Variants in EBF3 observed in about 807,000 individuals in gnomAD.
The protein encoded by EBF3 is transcription factor COE3.
EBF3 carries 18 observed loss-of-function variants against 77.1 expected under a neutral mutation model. The ratio of observed to expected loss-of-function variants is 0.23; its 90% CI spans 0.16 to 0.35. The LOEUF (loss-of-function observed/expected upper bound fraction) is 0.35. Ranked by LOEUF, EBF3 falls within the 10% of genes least tolerant of loss-of-function variation. The probability of loss-of-function intolerance (pLI) is 1.00; values close to 1 mark genes in which losing one functional copy is unlikely to be tolerated. For synonymous variants in EBF3, 350 were observed against 343.5 expected, an observed-to-expected ratio of 1.02 and a Z score of -0.21; for missense variants, 558 against 860.0, an observed-to-expected ratio of 0.65 and a Z score of 4.39.
intron 6 of EBF3, among the ~76,000 whole-genome samples, chr10:129,930,269 C>G (rs1186525273): frequency 2.6e-5 from 4 of 152,204 alleles, no homozygotes; most frequent in Non-Finnish European, 5.9e-5. Context: ...TGTCATGGGA[C>G]TTCTCAGCCT....
chr10:129,873,554 C>A lies in EBF3; in HGVS notation c.679G>T (p.Ala227Ser). 6.3e-7 allele frequency: 1 copy of A among 1,581,270 alleles called. No homozygotes were observed. The highest frequency in any genetic ancestry group is 8.6e-7 in the Non-Finnish European group (1 of 1,160,924). Residue 227 changes from alanine (A) to serine (S), a missense_variant, in exon 8 of 17, where the codon GCC (alanine) becomes TCC (serine). Around this residue, in one of 5 missense-constraint regions of EBF3, gnomAD observed 112 missense variants for 207.7 expected, o/e 0.54. Coordinates refer to ENST00000440978, the MANE Select transcript of EBF3 (RefSeq NM_001375380.1). The part of the protein sequence containing the change: ...TTVNVDGHVL[A>S]VSDNMFVHNN... ...TGCACAAACATGTTGTCTGACACGG[C>A]CAGCACGTGGCCGTCCACGTTGACT...
chr10:129,955,870 A>G (rs1295949391), intron 6 of EBF3, among the ~76,000 whole-genome samples: 2 of 152,218 alleles, frequency 1.3e-5, no homozygotes, highest in African/African-American at 4.8e-5. Context: ...CTTAGACAAG[A>G]CTCCAATAGT....
intron 6 of EBF3, among the ~76,000 whole-genome samples, chr10:129,925,085 CGTGT>C (rs34706080): frequency 0.59 from 89,297 of 151,240 alleles, 26,866 homozygotes; most frequent in East Asian, 0.8. Flanking sequence ...TGTGTGCACG[CGTGT>C]GTGTGTGTGT....
chr10:129,948,421 T>C (rs1858409278), intron 6 of EBF3, among the ~76,000 whole-genome samples: 1 of 151,934 alleles, frequency 6.6e-6, no homozygotes, highest in South Asian at 2.1e-4. Context: ...GGTGGCTAGG[T>C]GGAGCACATG....
intron 10 of EBF3, among the ~76,000 whole-genome samples, chr10:129,860,753 A>G (rs1851572682): frequency 6.6e-6 from 1 of 152,190 alleles, no homozygotes; most frequent in African/African-American, 2.4e-5. Context: ...ATTAGCAAAT[A>G]ATGTTCTTTT....
intron 6 of EBF3, among the ~76,000 whole-genome samples, chr10:129,896,668 C>T (rs1165154747): frequency 3.3e-5 from 5 of 152,344 alleles, no homozygotes; most frequent in Admixed American, 6.5e-5. Flanking sequence ...CTGACCTCGC[C>T]GGTGCCTTTG....
At chr10:129,915,467 C>CAT (rs1441794097) in intron 6 of EBF3, among the ~76,000 whole-genome samples, 21 of 110,290 alleles carry the variant, frequency 1.9e-4, no homozygotes, top group Non-Finnish European at 2.9e-4. Flanking sequence ...CACATGCACA[C>CAT]ACACACACAC....
intron 10 of EBF3, among the ~76,000 whole-genome samples, chr10:129,865,387 A>G (rs10764919): frequency 0.58 from 88,517 of 152,092 alleles, 29,456 homozygotes; most frequent in African/African-American, 0.88. Flanking sequence ...TCCAAAACCT[A>G]GAGGAGCAGC....
At position 129,837,817 on chromosome 10, in the gene EBF3, C is replaced by T; in HGVS notation, c.*126G>A. On this transcript the variant is annotated 3_prime_UTR_variant, in exon 17 of 17. Coordinates refer to ENST00000440978, the MANE Select transcript of EBF3 (RefSeq NM_001375380.1). ...AAAGTCTTTTGTAGCATTTCAATTG[C>T]TGCTGATTTTTTTGAAGATACTGTT... The T allele has an allele frequency of 7.9e-7, 1 of 1,270,834 alleles. No individual in the cohort carries two copies. Among genetic ancestry groups the T allele is most frequent in the South Asian group, 1.3e-5 (1 of 75,930 alleles). The allele number at this position is 1,270,834 out of a possible 1,614,324, so 78.7% of individuals were successfully genotyped here.
chr10:129,894,719 C>T (rs192893037), intron 6 of EBF3, among the ~76,000 whole-genome samples: 47 of 152,374 alleles, frequency 3.1e-4, no homozygotes, highest in African/African-American at 1.1e-3. Context: ...TTCCAGAAAA[C>T]TGCATCTGCC....
rs143060982 is a variant in EBF3 at position 129,912,748 on chromosome 10, A to G, written c.555-34899T>C. On this transcript the variant is annotated intron_variant, in intron 6 of 16. Coordinates refer to ENST00000440978, the MANE Select transcript of EBF3 (RefSeq NM_001375380.1). ...GAAATTTCAAGGCCCCTCTCTTCTG[A>G]CAAGTAGAAATATCAATATTTGAAT... is the stretch of plus-strand genomic sequence containing the variant. Among the ~76,000 whole-genome samples, 60 of 152,334 alleles carry G rather than the reference A, an allele frequency of 3.9e-4. No homozygotes were observed. The East Asian group carries it at 9.2e-3, about 23-fold the overall frequency.
chr10:129,919,537 C>A (rs1349968271), intron 6 of EBF3, among the ~76,000 whole-genome samples: 2 of 152,130 alleles, frequency 1.3e-5, no homozygotes, highest in African/African-American at 4.8e-5. Context: ...TGACCAAGGG[C>A]ACCCCAGGGG....
chr10:129,941,167 T>C (rs1465575918), intron 6 of EBF3, among the ~76,000 whole-genome samples: 1 of 152,174 alleles, frequency 6.6e-6, no homozygotes, highest in East Asian at 1.9e-4. Flanking sequence ...TTGAGATAAA[T>C]AACCACTAAA....
At chr10:129,918,779 C>T (rs1856068847) in intron 6 of EBF3, among the ~76,000 whole-genome samples, 1 of 152,228 alleles carries the variant, frequency 6.6e-6, no homozygotes, top group Non-Finnish European at 1.5e-5. Flanking sequence ...CCTGAGGCTA[C>T]AACGGCAGGG....
intron 10 of EBF3, among the ~76,000 whole-genome samples, chr10:129,860,214 A>G (rs1475125003): frequency 6.6e-6 from 1 of 151,866 alleles, no homozygotes; most frequent in African/African-American, 2.4e-5. Flanking sequence ...CAGAAACTCA[A>G]AAGTCCGGAG....
At chr10:129,838,660 C>T (rs951997905) in intron 16 of EBF3, among the ~76,000 whole-genome samples, 9 of 152,238 alleles carry the variant, frequency 5.9e-5, no homozygotes, top group African/African-American at 2.2e-4. Context: ...CTGACGCTTT[C>T]ACATGAACTC....
At chr10:129,838,388 C>T (rs959251261) in intron 16 of EBF3, among the ~76,000 whole-genome samples, 2 of 152,336 alleles carry the variant, frequency 1.3e-5, no homozygotes, top group Admixed American at 1.3e-4. Flanking sequence ...GCTCACAGGC[C>T]CTGCTCTCGC....
At chr10:129,931,127 G>A (rs1196012665) in intron 6 of EBF3, among the ~76,000 whole-genome samples, 1 of 151,688 alleles carries the variant, frequency 6.6e-6, no homozygotes, top group African/African-American at 2.4e-5. Flanking sequence ...ACCTATATCT[G>A]TATCTGTCTA....
chr10:129,963,610 G>A lies in EBF3; in HGVS notation c.134+25C>T. On this transcript the variant is annotated intron_variant, in intron 1 of 16. Transcript: ENST00000440978. The surrounding 1 kb of genome is among the most constrained non-coding windows in gnomAD (Gnocchi z 7.1). Reference sequence around the variant, plus strand: ...GGGCCGGGCCGGGGCCGGGGCCAGGGCGCGCGGGGGCGGCCGGTACGTACC... The same window carrying A: ...GGGCCGGGCCGGGGCCGGGGCCAGGACGCGCGGGGGCGGCCGGTACGTACC... The A allele has an allele frequency of 7.6e-7, 1 of 1,311,274 alleles. No individual in the cohort carries two copies. Among genetic ancestry groups the A allele is most frequent in the Non-Finnish European group, 9.9e-7 (1 of 1,014,392 alleles). The allele number at this position is 1,311,274 out of a possible 1,614,324, so 81.2% of individuals were successfully genotyped here. A position where few individuals can be genotyped will look rare whatever the true frequency, so the allele number is the denominator to read the frequency against.
Sources: allele counts gnomAD v4.1 joint callset (sites outside exome capture counted in the v4.1 genomes callset), GRCh38; gene constraint gnomAD v4.1.1; regional missense constraint gnomAD v4.1.1; non-coding constraint Gnocchi (gnomAD v3.1); transcripts MANE v1.5; gene names NCBI Gene and HGNC (gene_info 2026-07-23, HGNC 2026-07-21).